ITIH5: variants seen among roughly 807,000 people sequenced by gnomAD.
ITIH5 encodes the protein inter-alpha-trypsin inhibitor heavy chain H5.
In ITIH5, 65 loss-of-function variants were observed where a neutral mutation model predicts 77.5. That is an observed-to-expected ratio of 0.84 (90% CI 0.69 to 1.03). The LOEUF (loss-of-function observed/expected upper bound fraction) is 1.03, where lower values mean the gene tolerates loss of function less well. Ranked by LOEUF, ITIH5 falls within the 50% of genes least tolerant of loss-of-function variation. The pLI is 0.00. For missense variants in ITIH5, 1,208 were observed against 1,213.1 expected (o/e 1.00, Z 0.06); for synonymous variants, 525 against 494.3 (o/e 1.06, Z -0.82).
intron 7 of ITIH5, among the ~76,000 whole-genome samples, chr10:7,614,384 C>T (rs1032624919): frequency 7.2e-5 from 11 of 152,338 alleles, no homozygotes; most frequent in African/African-American, 2.2e-4. Context: ...CTTGTCCAAC[C>T]CCTGGCCCAC....
chr10:7,601,956 G>A (rs1219390132), intron 7 of ITIH5, among the ~76,000 whole-genome samples: 1 of 152,060 alleles, frequency 6.6e-6, no homozygotes, highest in Non-Finnish European at 1.5e-5. Context: ...ACGTTCAAGC[G>A]ATTCCCATGC....
At chr10:7,581,231 G>C (rs1271876525) in intron 8 of ITIH5, among the ~76,000 whole-genome samples, 3 of 152,068 alleles carry the variant, frequency 2.0e-5, no homozygotes, top group East Asian at 3.8e-4. Context: ...TTGCACTCCA[G>C]CCTGGGAAAC....
chr10:7,583,856 T>C, intron 8 of ITIH5, among the ~76,000 whole-genome samples: 1 of 152,168 alleles, frequency 6.6e-6, no homozygotes, highest in East Asian at 1.9e-4. Context: ...CCACAGCAAC[T>C]GGGGCATCTC....
intron 5 of ITIH5, among the ~76,000 whole-genome samples, chr10:7,627,143 G>T (rs1485587459): frequency 6.6e-6 from 1 of 151,994 alleles, no homozygotes; most frequent in Non-Finnish European, 1.5e-5. Flanking sequence ...AAAACGGGGT[G>T]GTGGGCAAGG....
At chr10:7,597,239 GC>G (rs1367358661) in intron 7 of ITIH5, among the ~76,000 whole-genome samples, 3 of 152,022 alleles carry the variant, frequency 2.0e-5, no homozygotes, top group Admixed American at 6.6e-5. Context: ...GTGGGCAGAG[GC>G]CATGGACACC....
chr10:7,582,518 T>A (rs1588372686), intron 8 of ITIH5, among the ~76,000 whole-genome samples: 2 of 152,210 alleles, frequency 1.3e-5, no homozygotes, highest in African/African-American at 4.8e-5. Flanking sequence ...ATTCTAAGTG[T>A]CCAATTCATG....
chr10:7,625,776 AG>A (rs201212011), intron 5 of ITIH5, among the ~76,000 whole-genome samples: 16 of 113,028 alleles, frequency 1.4e-4, no homozygotes, highest in African/African-American at 6.1e-4. Flanking sequence ...AAAAAAAAAA[AG>A]AAAGAAAGAA....
chr10:7,649,141 A>G (rs369618607), intron 2 of ITIH5, among the ~76,000 whole-genome samples: 3 of 152,130 alleles, frequency 2.0e-5, no homozygotes, highest in East Asian at 3.9e-4. Context: ...AGCCATGACT[A>G]CTACTTACTC....
intron 5 of ITIH5, among the ~76,000 whole-genome samples, chr10:7,623,481 G>A (rs1205295855): frequency 6.6e-6 from 1 of 152,150 alleles, no homozygotes; most frequent in Non-Finnish European, 1.5e-5. Context: ...TAACACAGAG[G>A]CAATGACGAT....
intron 4 of ITIH5, among the ~76,000 whole-genome samples, chr10:7,639,789 T>C (rs1278939505): frequency 3.9e-5 from 6 of 152,180 alleles, no homozygotes; most frequent in African/African-American, 1.4e-4. Context: ...TTAGATTCCA[T>C]TTATAAACAA....
intron 7 of ITIH5, among the ~76,000 whole-genome samples, chr10:7,597,064 A>AAAAAAAAAAAAAAAAAC (rs1832917470): frequency 6.9e-6 from 1 of 145,970 alleles, no homozygotes; most frequent in Non-Finnish European, 1.5e-5. Context: ...AAAAAAAAAA[A>AAAAAAAAAAAAAAAAAC]TTCCACCAAA....
chr10:7,573,012 A>C, intron 11 of ITIH5, 130 bp downstream of exon 11: 1 of 767,990 alleles, frequency 1.3e-6, no homozygotes, highest in South Asian at 1.6e-5. Flanking sequence ...TCCTGACCTC[A>C]AGCAATACAC....
chr10:7,596,833 A>T (rs115582988), intron 7 of ITIH5, among the ~76,000 whole-genome samples: 8,546 of 151,932 alleles, frequency 0.056, 249 homozygotes, highest in Middle Eastern at 0.17. Flanking sequence ...CGATCACCTG[A>T]GGTCAGGAGT....
intron 4 of ITIH5, among the ~76,000 whole-genome samples, 199 bp from the exon 5 acceptor site, chr10:7,637,677 G>A (rs1399834587): frequency 2.0e-5 from 3 of 152,118 alleles, no homozygotes; most frequent in South Asian, 2.1e-4. Flanking sequence ...GGTAGGTCAC[G>A]AAGGGTCAAA....
At chr10:7,607,107 G>A (rs900068711) in intron 7 of ITIH5, among the ~76,000 whole-genome samples, 1 of 152,198 alleles carries the variant, frequency 6.6e-6, no homozygotes, top group African/African-American at 2.4e-5. Flanking sequence ...CTTGACAAGG[G>A]CAGCCCAGTA....
At chr10:7,585,835 A>AAAG in intron 8 of ITIH5, 66 bp downstream of exon 8, 1 of 1,440,058 alleles carries the variant, frequency 6.9e-7, no homozygotes, top group South Asian at 1.4e-5. Context: ...CAAAAAAAAA[A>AAAG]AAAAACCAAA....
In ITIH5 at chr10:7,579,894, C is replaced by T. The variant is rs1467593204; in HGVS notation, c.1279G>A (p.Ala427Thr). Residue 427 changes from alanine (A) to threonine (T), a missense_variant, in exon 9 of 14, where the codon GCC (alanine) becomes ACC (threonine). Transcript: ENST00000397146. ...GTGAAGATGCAGACTTGGCCTCGGG[C>T]GGCCTCTCGGGTGTTGTTGAGGATC... The part of the protein sequence containing the change: ...LKILNNTREA[A>T]RGQVCIFTIG... The T allele has an allele frequency of 1.5e-5, 24 of 1,614,114 alleles. No individual in the cohort carries two copies. The highest frequency in any genetic ancestry group is 1.8e-5 in the Non-Finnish European group (21 of 1,180,054).
At chr10:7,619,133 T>C (rs557643684) in intron 5 of ITIH5, 1 of 152,462 alleles carries the variant, frequency 6.6e-6, no homozygotes, top group South Asian at 2.1e-4. Context: ...GAAGATGCCT[T>C]AGACCCATTA....
intron 7 of ITIH5, among the ~76,000 whole-genome samples, chr10:7,611,373 T>C (rs1026768404): frequency 3.3e-5 from 5 of 152,384 alleles, no homozygotes; most frequent in Middle Eastern, 3.4e-3. Flanking sequence ...TAAAGGTACA[T>C]TTAGGAGACC....
Sources: allele counts gnomAD v4.1 joint callset (sites outside exome capture counted in the v4.1 genomes callset), GRCh38; gene constraint gnomAD v4.1.1; transcripts MANE v1.5; gene names NCBI Gene and HGNC (gene_info 2026-07-23, HGNC 2026-07-21).